The following CCL26 variants were observed in gnomAD, a reference collection of about 807,000 sequenced individuals.
CCL26 encodes C-C motif chemokine ligand 26.
In CCL26, 10 loss-of-function variants were observed where a neutral mutation model predicts 10.7. That is an observed-to-expected ratio of 0.93 (90% CI 0.57 to 1.58). The LOEUF (loss-of-function observed/expected upper bound fraction) is 1.58, where lower values mean the gene tolerates loss of function less well. CCL26 is among the 40% of genes most tolerant of loss of function. The pLI is 0.00. For synonymous variants in CCL26, 43 were observed against 41.4 expected (o/e 1.04, Z -0.15); for missense variants, 116 against 111.0 (o/e 1.05, Z -0.20).
chr7:75,770,306 G>A (rs561640573), intron 2 of CCL26, among the ~76,000 whole-genome samples: 2 of 152,272 alleles, frequency 1.3e-5, no homozygotes, highest in Non-Finnish European at 2.9e-5. Context: ...CTGACCTCAG[G>A]TGATCCGCCT....
intron 2 of CCL26, among the ~76,000 whole-genome samples, chr7:75,771,128 A>C (rs1554528051): frequency 6.6e-6 from 1 of 152,060 alleles, no homozygotes; most frequent in Non-Finnish European, 1.5e-5. Flanking sequence ...TGTGTTACCC[A>C]GGCTGGAGTG....
At chr7:75,773,805 C>A (rs1042142596), upstream of CCL26, among the ~76,000 whole-genome samples, 4 of 151,490 alleles carry the variant, frequency 2.6e-5, no homozygotes, top group East Asian at 7.9e-4. Context: ...GTCACTTGAA[C>A]CTGGGGGGCA....
intron 1 of CCL26, among the ~76,000 whole-genome samples, chr7:75,782,632 ACC>A (rs1412015715): frequency 6.6e-6 from 1 of 152,098 alleles, no homozygotes; most frequent in Non-Finnish European, 1.5e-5. Context: ...CTTCTGCAAT[ACC>A]GCTTGGCCCA....
At chr7:75,784,143 G>A (rs1414776293) in intron 1 of CCL26, among the ~76,000 whole-genome samples, 3 of 152,232 alleles carry the variant, frequency 2.0e-5, no homozygotes, top group Admixed American at 6.5e-5. Flanking sequence ...GCTTCCAAAC[G>A]CCTGAACCGC....
rs60039632 is a variant in CCL26, at chr7:75,777,721, G to GAAAAAAAAAAAAA, written c.-78-5480_-78-5468dup. Among the ~76,000 whole-genome samples, 44 of 60,534 alleles carry GAAAAAAAAAAAAA rather than the reference G, an allele frequency of 7.3e-4. 5 individuals are homozygous for GAAAAAAAAAAAAA. Among genetic ancestry groups the GAAAAAAAAAAAAA allele is most frequent in the Middle Eastern group, 0.02 (1 of 50 alleles). The allele number at this position is 60,534 out of a possible 152,430, so 39.7% of individuals were successfully genotyped here. ...CCCAACAGAGTGAGATCCTGTCTCA[G>GAAAAAAAAAAAAA]AAAAAAAAAAAAAAAAAAAAAGCAG... On this transcript the variant is annotated intron_variant, in intron 1 of 3. Coordinates refer to the CCL26 transcript ENST00000394905.
In CCL26 at chr7:75,769,724, A is replaced by G. The variant is rs1802781252; in HGVS notation, c.254T>C (p.Ile85Thr). 6.2e-7 allele frequency: 1 copy of G among 1,612,628 alleles called. No homozygotes were observed. Among genetic ancestry groups the G allele is most frequent in the Non-Finnish European group, 8.5e-7 (1 of 1,178,594 alleles). The change falls in exon 3 of 3, where the codon ATT becomes ACT. Residue 85 changes from isoleucine to threonine, a missense_variant. Coordinates refer to ENST00000005180, the MANE Select transcript of CCL26 (RefSeq NM_001371938.1). ...HPRKKWVQKY[I>T]SLLKTPKQL ...TTGTTTCGGAGTTTTCAGTAAAGAA[A>G]TGTATTTTTGCACCCATTTTTTCCT...
chr7:75,778,558 ATT>A (rs61256016), intron 1 of CCL26, among the ~76,000 whole-genome samples: 17 of 147,222 alleles, frequency 1.2e-4, no homozygotes, highest in South Asian at 2.1e-4. Flanking sequence ...GATGTTGAGC[ATT>A]TTTTTTTTTA....
At chr7:75,789,608 A>G (rs1422586417) in intron 1 of CCL26, 2 of 149,678 alleles carry the variant, frequency 1.3e-5, no homozygotes, top group African/African-American at 4.9e-5. Context: ...CTCTTCTGCA[A>G]TGAGAAACCC....
chr7:75,772,036 A>G (rs1554528167), intron 1 of CCL26, 33 bp from the exon 2 acceptor site: 2 of 1,600,138 alleles, frequency 1.2e-6, no homozygotes, highest in East Asian at 2.2e-5. Flanking sequence ...GTTTGGAGAT[A>G]CTCATTTCCA....
At chr7:75,790,540 C>T (rs956550271), upstream of CCL26, among the ~76,000 whole-genome samples, 3 of 152,056 alleles carry the variant, frequency 2.0e-5, no homozygotes, top group African/African-American at 7.2e-5. Context: ...GCTAGGATTA[C>T]AGGCAGGAGC....
In CCL26 at chr7:75,781,032, G is replaced by A. The variant is rs371530098; in HGVS notation, c.-79+8685C>T. Among the ~76,000 whole-genome samples, 18 of 152,264 alleles carry A rather than the reference G, an allele frequency of 1.2e-4. No individual in the cohort carries two copies. The South Asian group carries it at 2.5e-3, about 21-fold the overall frequency. The stretch of plus-strand genomic sequence containing the variant: ...ACTCTCCCAAATCAGTTAGCATTTA[G>A]GCTCTTTCATCAAATATGAAAAACC... On this transcript the variant is annotated intron_variant, in intron 1 of 3. Coordinates refer to the CCL26 transcript ENST00000394905.
intron 2 of CCL26, among the ~76,000 whole-genome samples, chr7:75,770,751 C>T (rs1292803014): frequency 6.6e-6 from 1 of 150,380 alleles, no homozygotes; most frequent in Non-Finnish European, 1.5e-5. Flanking sequence ...ATCTCTACTC[C>T]TGCAAACTCC....
chr7:75,778,408 G>GT (rs369917697), intron 1 of CCL26, among the ~76,000 whole-genome samples: 51,783 of 138,332 alleles, frequency 0.37, 9,982 homozygotes, highest in African/African-American at 0.48. Flanking sequence ...TTTTGGTGTG[G>GT]TTTTTTTTTT....
At chr7:75,791,596 T>C (rs1803335454), upstream of CCL26, among the ~76,000 whole-genome samples, 2 of 152,002 alleles carry the variant, frequency 1.3e-5, no homozygotes, top group African/African-American at 4.8e-5. Context: ...AGTGCTGGGA[T>C]TACAGGCGTG....
chr7:75,770,820 C>T (rs1018089087), intron 2 of CCL26, among the ~76,000 whole-genome samples: 1 of 152,178 alleles, frequency 6.6e-6, no homozygotes, highest in Middle Eastern at 3.4e-3. Flanking sequence ...GGCTTACAGG[C>T]CTGCGCCACC....
At chr7:75,783,003 A>G (rs782760702) in intron 1 of CCL26, among the ~76,000 whole-genome samples, 3 of 151,734 alleles carry the variant, frequency 2.0e-5, no homozygotes, top group Non-Finnish European at 4.4e-5. Flanking sequence ...TCATCCTTCT[A>G]TCACCTCCCC....
upstream of CCL26, among the ~76,000 whole-genome samples, chr7:75,777,141 A>C (rs1802959364): frequency 6.6e-6 from 1 of 152,148 alleles, no homozygotes; most frequent in Non-Finnish European, 1.5e-5. Context: ...CTGAGACAGG[A>C]GAATCGCTTG....
upstream of CCL26, among the ~76,000 whole-genome samples, chr7:75,775,059 A>C (rs1490831615): frequency 3.3e-5 from 5 of 151,984 alleles, no homozygotes; most frequent in African/African-American, 1.2e-4. Context: ...GTCTCTACCA[A>C]AAATACAAAA....
chr7:75,790,429 A>T (rs1193701301), upstream of CCL26, among the ~76,000 whole-genome samples: 3 of 150,038 alleles, frequency 2.0e-5, no homozygotes, highest in Admixed American at 6.7e-5. Flanking sequence ...TAAAAAAAAA[A>T]TTGTAGAGAT....
Sources: allele counts gnomAD v4.1 joint callset (sites outside exome capture counted in the v4.1 genomes callset), GRCh38; gene constraint gnomAD v4.1.1; transcripts MANE v1.5; gene names NCBI Gene and HGNC (gene_info 2026-07-23, HGNC 2026-07-21).